Variants in CA4 observed in about 807,000 individuals in gnomAD.
CA4 encodes CA-IV.
A neutral mutation model predicts 34.5 loss-of-function variants in CA4; 24 were observed. The observed-to-expected ratio is 0.70, with a 90% CI of 0.50 to 0.98. The LOEUF is 0.98. CA4 is among the 50% of genes least tolerant of loss of function. The pLI is 0.00. For synonymous variants in CA4, 178 were observed against 170.6 expected (o/e 1.04, Z -0.34); for missense variants, 394 against 396.7 (o/e 0.99, Z 0.06).
At chr17:60,171,904 C>G (rs1363903098), downstream of CA4, among the ~76,000 whole-genome samples, 1 of 152,232 alleles carries the variant, frequency 6.6e-6, no homozygotes, top group African/African-American at 2.4e-5. Flanking sequence ...CCCCCAAGGT[C>G]ATACAATTCT....
chr17:60,159,686 C>T, downstream of CA4: 1 of 588,258 alleles, frequency 1.7e-6, no homozygotes, highest in South Asian at 2.0e-5. Flanking sequence ...TGTCCCCACT[C>T]CCGTTCTATG....
At chr17:60,166,920 G>C (rs566148936) in intron 5 of CA4, among the ~76,000 whole-genome samples, 155 of 152,208 alleles carry the variant, frequency 1.0e-3, no homozygotes, top group African/African-American at 3.7e-3. Context: ...TGGTGCCAAC[G>C]TACTCCAGCC....
At chr17:60,169,250 CAA>C (rs1555574043) in intron 5 of CA4, among the ~76,000 whole-genome samples, 6 of 122,784 alleles carry the variant, frequency 4.9e-5, no homozygotes, top group Non-Finnish European at 5.1e-5. Flanking sequence ...CCCTCTGTCT[CAA>C]AAAAAAAAAA....
chr17:60,150,610 T>C (rs1185128441), intron 1 of CA4, among the ~76,000 whole-genome samples: 1 of 124,956 alleles, frequency 8.0e-6, no homozygotes, highest in Non-Finnish European at 1.6e-5. Flanking sequence ...GAGGTGGAGG[T>C]TGCAGTGAGA....
downstream of CA4, among the ~76,000 whole-genome samples, chr17:60,159,803 T>C (rs560784321): frequency 8.5e-5 from 13 of 152,150 alleles, no homozygotes; most frequent in Non-Finnish European, 1.9e-4. Flanking sequence ...GGAGTTCCAA[T>C]CTGATCTCTT....
In CA4 at chr17:60,155,366, G is replaced by A. The variant is rs943864305; in HGVS notation, c.111G>A (p.Leu37=). The change falls in exon 2 of 8, where the codon TTG becomes TTA. Residue 37 remains leucine, a splice_region_variant and synonymous_variant. Transcript: ENST00000300900. ...CCGAGTCCTCCAACTACCCCTGCTTGGGTGAGTACAGCCAGTCCAGGGGAC... is the reference window on the plus strand; with the variant it reads ...CCGAGTCCTCCAACTACCCCTGCTTAGGTGAGTACAGCCAGTCCAGGGGAC... ...VQAESSNYPC[L]VPVKWGGNCQ... 1 of 1,608,128 alleles carries A rather than the reference G, an allele frequency of 6.2e-7. No individual in the cohort carries two copies. The highest frequency in any genetic ancestry group is 8.5e-7 in the Non-Finnish European group (1 of 1,177,248).
At chr17:60,150,939 G>A (rs533088695) in intron 1 of CA4, among the ~76,000 whole-genome samples, 6 of 151,632 alleles carry the variant, frequency 4.0e-5, no homozygotes, top group Non-Finnish European at 8.8e-5. Flanking sequence ...GGGGCGGGGG[G>A]TGGGGGACCC....
rs147624521 is a variant in CA4 at position 60,158,122 on chromosome 17, A to G, written c.575A>G (p.Lys192Arg). 721 of 1,613,480 alleles carry G rather than the reference A, an allele frequency of 4.5e-4. 3 individuals are homozygous for G. Among genetic ancestry groups the G allele is most frequent in the Non-Finnish European group, 5.9e-4 (695 of 1,179,722 alleles). ...GTGGAGGCACTGTCTAATATCCCCAAACCTGGTGAGTCAGGATGGGGGAGA... is the reference window on the plus strand; with the variant it reads ...GTGGAGGCACTGTCTAATATCCCCAGACCTGGTGAGTCAGGATGGGGGAGA... ...PLVEALSNIP[K>R]PEMSTTMAES... is the part of the protein sequence containing the mutation. Residue 192 changes from lysine to arginine, a missense_variant, in exon 6 of 8, where the codon AAA (lysine) becomes AGA (arginine). Physicochemically the swap from Lys to Arg is conservative, Grantham distance 26. Coordinates refer to ENST00000300900, the MANE Select transcript of CA4 (RefSeq NM_000717.5).
chr17:60,166,576 T>C (rs1425291285), intron 5 of CA4, among the ~76,000 whole-genome samples: 2 of 152,256 alleles, frequency 1.3e-5, no homozygotes, highest in African/African-American at 4.8e-5. Context: ...ACTTAATCCT[T>C]AGAATAACAG....
chr17:60,169,256 A>AT (rs1265676424), intron 5 of CA4, among the ~76,000 whole-genome samples: 1 of 151,462 alleles, frequency 6.6e-6, no homozygotes, highest in East Asian at 1.9e-4. Context: ...GTCTCAAAAA[A>AT]AAAAAAAGCA....
At chr17:60,154,691 G>A (rs74616492) in intron 1 of CA4, among the ~76,000 whole-genome samples, 1,850 of 152,312 alleles carry the variant, frequency 0.012, 30 homozygotes, top group African/African-American at 0.041. Context: ...CTGAGGCAGA[G>A]CCCTCAGCCT....
At chr17:60,157,642 A>C (rs1243406812) in intron 4 of CA4, 48 bp from the exon 5 acceptor site, 2 of 1,611,956 alleles carry the variant, frequency 1.2e-6, no homozygotes, top group Admixed American at 3.3e-5. Context: ...CAAGGAGGGT[A>C]GTCCAGGCCC....
chr17:60,164,195 T>C (rs527689300), downstream of CA4, among the ~76,000 whole-genome samples: 631 of 142,774 alleles, frequency 4.4e-3, 3 homozygotes, highest in Non-Finnish European at 7.4e-3. Context: ...TCTCTTTTTC[T>C]TTCTTTCTTT....
chr17:60,157,993 G>A (rs2083723255), intron 5 of CA4, 68 bp from the exon 6 acceptor site: 1 of 1,592,748 alleles, frequency 6.3e-7, no homozygotes, highest in Non-Finnish European at 8.5e-7. Flanking sequence ...CCCCAGATCG[G>A]GAGAATGAAC....
intron 5 of CA4, among the ~76,000 whole-genome samples, chr17:60,165,609 G>C (rs906287740): frequency 6.6e-6 from 1 of 152,004 alleles, no homozygotes; most frequent in African/African-American, 2.4e-5. Context: ...CCTTCCCCAG[G>C]AGCCGTGGGA....
downstream of CA4, among the ~76,000 whole-genome samples, chr17:60,174,870 GAAGT>G (rs1418181587): frequency 1.3e-5 from 2 of 152,226 alleles, no homozygotes; most frequent in Non-Finnish European, 2.9e-5. Flanking sequence ...ATGGTGTTTA[GAAGT>G]AAGAAGTCAC....
rs2083692555 is a variant in CA4 at position 60,156,734 on chromosome 17, C to G, written c.268+19C>G. On this transcript the variant is annotated intron_variant, in intron 3 of 7. Transcript: ENST00000300900. ...CACTCAGGTGGGCTGGATGGAGGCCCCAGGCAGGCCTGGGCACCCGAGTTC... is the reference window on the plus strand; with the variant it reads ...CACTCAGGTGGGCTGGATGGAGGCCGCAGGCAGGCCTGGGCACCCGAGTTC... 1.9e-6 allele frequency: 3 copies of G among 1,612,534 alleles called. No homozygotes were observed. The highest frequency in any genetic ancestry group is 2.5e-6 in the Non-Finnish European group (3 of 1,178,660).
At position 60,158,627 on chromosome 17, in the gene CA4, G is replaced by T. The variant is rs116688685; in HGVS notation, c.744+181G>T. On this transcript the variant is annotated intron_variant, in intron 7 of 7. Coordinates refer to ENST00000300900, the MANE Select transcript of CA4 (RefSeq NM_000717.5). Reference sequence around the variant, plus strand: ...AAAAGCCTGAGCTGTTCCATCACCAGATTGGGGGCTAGACAGGAGGCAGGG... The same window carrying T: ...AAAAGCCTGAGCTGTTCCATCACCATATTGGGGGCTAGACAGGAGGCAGGG... 6.4e-4 allele frequency: 417 copies of T among 649,118 alleles called. 1 individual carries two copies. Among genetic ancestry groups the T allele is most frequent in the Middle Eastern group, 4.2e-3 (10 of 2,398 alleles). The allele number at this position is 649,118 out of a possible 1,614,324, so 40.2% of individuals were successfully genotyped here.
At chr17:60,158,662 G>A (rs1363572133) in intron 7 of CA4, 1 of 597,986 alleles carries the variant, frequency 1.7e-6, no homozygotes, top group Non-Finnish European at 3.0e-6. Context: ...GGAAGGTGGA[G>A]TCATTCAGAA....
Sources: gnomAD v4.1 joint callset for allele counts (sites outside exome capture counted in the v4.1 genomes callset) on GRCh38, gnomAD v4.1.1 for gene constraint, MANE v1.5 for transcripts, NCBI Gene and HGNC (gene_info 2026-07-23, HGNC 2026-07-21) for gene names.